Variants in CHCHD6 observed in about 807,000 individuals in gnomAD.
The protein encoded by CHCHD6 is coiled-coil-helix-coiled-coil-helix domain containing 6.
Under a neutral mutation model 32.3 loss-of-function variants are expected in CHCHD6, and 28 were observed. The observed-to-expected ratio is 0.87, with a 90% confidence interval of 0.64 to 1.19. CHCHD6 has a LOEUF of 1.19. CHCHD6 is among the 50% of genes most tolerant of loss of function. The pLI is 0.00. For synonymous variants in CHCHD6, 122 were observed against 117.5 expected, an observed-to-expected ratio of 1.04 and a Z score of -0.25; for missense variants, 333 against 307.0, an observed-to-expected ratio of 1.08 and a Z score of -0.63.
Position 126,798,548 on chromosome 3 carries a change from C to T in CHCHD6, c.412-54099C>T, listed in dbSNP as rs533631844. Among the ~76,000 whole-genome samples, 64 of 152,242 alleles carry T rather than the reference C, an allele frequency of 4.2e-4. 1 individual carries two copies. The South Asian group carries it at 0.013, about 31-fold the overall frequency. ...CTTTGTGGCAGGCCTAGTCATGATG[C>T]GAGCATCCTCTCGGCTCCCCGATGG... On this transcript the variant is annotated intron_variant, in intron 4 of 7. Coordinates refer to ENST00000290913, the MANE Select transcript of CHCHD6 (RefSeq NM_032343.3).
At chr3:126,836,717 T>C (rs1940877366) in intron 4 of CHCHD6, among the ~76,000 whole-genome samples, 1 of 152,126 alleles carries the variant, frequency 6.6e-6, no homozygotes, top group Non-Finnish European at 1.5e-5. Flanking sequence ...AGAGAGGGCG[T>C]CTGCAGGGAT....
intron 5 of CHCHD6, among the ~76,000 whole-genome samples, chr3:126,880,521 A>G (rs949649797): frequency 6.6e-5 from 10 of 152,184 alleles, no homozygotes; most frequent in African/African-American, 2.4e-4. Flanking sequence ...TCTGCCTTTC[A>G]CCATATTGAA....
rs73199890 is a variant in CHCHD6 at position 126,724,769 on chromosome 3, T to A, written c.88-2309T>A. ...AGTTTATGATCCTATTCTAAATCCT[T>A]TGTTGTCATTTCAGCAGTGTTCACA... On this transcript the variant is annotated intron_variant, in intron 1 of 7. Transcript: ENST00000290913. Among the ~76,000 whole-genome samples the A allele has an allele frequency of 7.1e-3, 1,086 of 152,320 alleles. 5 individuals carry two copies. The highest frequency in any genetic ancestry group is 0.01 in the Non-Finnish European group (687 of 68,020).
chr3:126,809,138 AT>A (rs1175765782), intron 4 of CHCHD6, among the ~76,000 whole-genome samples: 2 of 151,928 alleles, frequency 1.3e-5, no homozygotes, highest in African/African-American at 4.8e-5. Flanking sequence ...CGCCCAGCTA[AT>A]TTTTTTGTAT....
chr3:126,945,301 C>T (rs1231598425), intron 6 of CHCHD6, among the ~76,000 whole-genome samples: 1 of 151,974 alleles, frequency 6.6e-6, no homozygotes, highest in Non-Finnish European at 1.5e-5. Flanking sequence ...AAGGGCAGGC[C>T]TGTGGGGGGC....
intron 5 of CHCHD6, among the ~76,000 whole-genome samples, chr3:126,872,162 A>G (rs1043233077): frequency 1.3e-5 from 2 of 152,114 alleles, no homozygotes; most frequent in Non-Finnish European, 2.9e-5. Flanking sequence ...GTTGGCATCT[A>G]TCTACTAGGT....
At chr3:126,818,943 T>A (rs1236334472) in intron 4 of CHCHD6, among the ~76,000 whole-genome samples, 1 of 152,224 alleles carries the variant, frequency 6.6e-6, no homozygotes, top group East Asian at 1.9e-4. Context: ...TGTGGAGGGA[T>A]GAGTGAATGT....
chr3:126,803,344 G>A (rs1452137931), intron 4 of CHCHD6, among the ~76,000 whole-genome samples: 1 of 152,090 alleles, frequency 6.6e-6, no homozygotes, highest in Non-Finnish European at 1.5e-5. Flanking sequence ...GACACACATA[G>A]GCTCAAAATA....
intron 3 of CHCHD6, among the ~76,000 whole-genome samples, chr3:126,732,072 C>CA (rs1935828668): frequency 4.9e-5 from 4 of 81,134 alleles, no homozygotes; most frequent in Admixed American, 1.4e-4. Context: ...TTGTGAGACC[C>CA]AAAACCAAAA....
chr3:126,727,387 G>T (rs1438636183), intron 2 of CHCHD6, among the ~76,000 whole-genome samples: 1 of 152,186 alleles, frequency 6.6e-6, no homozygotes, highest in Non-Finnish European at 1.5e-5. Context: ...CGGGATTCGG[G>T]TCGGACCACC....
At chr3:126,831,804 A>G (rs1460386482) in intron 4 of CHCHD6, among the ~76,000 whole-genome samples, 2 of 152,028 alleles carry the variant, frequency 1.3e-5, no homozygotes, top group Non-Finnish European at 2.9e-5. Flanking sequence ...TCCTGCCATC[A>G]AGAAGAAGAG....
intron 6 of CHCHD6, among the ~76,000 whole-genome samples, chr3:126,941,215 T>C (rs1179913333): frequency 6.6e-6 from 1 of 152,240 alleles, no homozygotes; most frequent in African/African-American, 2.4e-5. Context: ...GAGTAAGATG[T>C]GAACGAAGTA....
chr3:126,857,812 G>A lies in CHCHD6; in HGVS notation c.495+5082G>A, dbSNP rs142655349. ...AAAAGACAGGCAGCTCCAAGTGCTG[G>A]CAAGGATGTGGTTTAACCTAAACTC... On this transcript the variant is annotated intron_variant, in intron 5 of 7. Transcript: ENST00000290913. 1.8e-4 allele frequency among the ~76,000 whole-genome samples: 28 copies of A among 152,358 alleles called. No individual in the cohort carries two copies. In the South Asian group the frequency reaches 2.1e-3, roughly 11 times the overall value.
intron 5 of CHCHD6, among the ~76,000 whole-genome samples, chr3:126,903,184 G>T (rs1390744780): frequency 6.6e-6 from 1 of 152,190 alleles, no homozygotes; most frequent in African/African-American, 2.4e-5. Flanking sequence ...CCTTCCCTCT[G>T]CACTCCACCT....
At chr3:126,851,079 G>C (rs1419790015) in intron 4 of CHCHD6, among the ~76,000 whole-genome samples, 1 of 152,154 alleles carries the variant, frequency 6.6e-6, no homozygotes, top group Non-Finnish European at 1.5e-5. Flanking sequence ...AGGCTTCCTA[G>C]AGGCCACTCA....
Position 126,730,580 on chromosome 3 carries a change from G to A in CHCHD6, c.216G>A (p.Ser72=), listed in dbSNP as rs2107658294. 7 of 1,613,756 alleles carry A rather than the reference G, an allele frequency of 4.3e-6. No individual in the cohort carries two copies. Among genetic ancestry groups the A allele is most frequent in the South Asian group, 2.2e-5 (2 of 91,034 alleles). The change falls in exon 3 of 8, where the codon TCG becomes TCA. Residue 72 remains serine, a synonymous_variant. Coordinates refer to ENST00000290913, the MANE Select transcript of CHCHD6 (RefSeq NM_032343.3). ...APHKESTLPR[S]GSSGGQQPSG... is the part of the protein sequence containing the mutation. ...TTGCAGAATCCACACTGCCCAGGTCGGGGAGCAGTGGTGGCCAGCAGCCCT... is the reference window on the plus strand; with the variant it reads ...TTGCAGAATCCACACTGCCCAGGTCAGGGAGCAGTGGTGGCCAGCAGCCCT...
chr3:126,799,365 G>A (rs1194034798), intron 4 of CHCHD6, among the ~76,000 whole-genome samples: 2 of 149,752 alleles, frequency 1.3e-5, no homozygotes, highest in Non-Finnish European at 3.0e-5. Flanking sequence ...TGCTAGGATA[G>A]GACCTCAAGA....
intron 4 of CHCHD6, among the ~76,000 whole-genome samples, chr3:126,787,124 C>A (rs1455493897): frequency 6.6e-6 from 1 of 152,186 alleles, no homozygotes; most frequent in Non-Finnish European, 1.5e-5. Context: ...TGTCAAAGAT[C>A]AGATAGTTGT....
At chr3:126,820,133 TAG>T (rs1940087185) in intron 4 of CHCHD6, among the ~76,000 whole-genome samples, 2 of 152,216 alleles carry the variant, frequency 1.3e-5, no homozygotes, top group South Asian at 4.1e-4. Context: ...CCATCTCCAC[TAG>T]AGACACTTAC....
Sources: gnomAD v4.1 joint callset for allele counts (sites outside exome capture counted in the v4.1 genomes callset) on GRCh38, gnomAD v4.1.1 for gene constraint, MANE v1.5 for transcripts, NCBI Gene and HGNC (gene_info 2026-07-23, HGNC 2026-07-21) for gene names.